The following ADH7 variants were observed in gnomAD, a reference collection of about 807,000 sequenced individuals.
The protein encoded by ADH7 is alcohol dehydrogenase 7 (class IV), mu or sigma polypeptide, also known as all-trans-retinol dehydrogenase [NAD(+)] ADH7.
A neutral mutation model predicts 34.4 loss-of-function variants in ADH7; 41 were observed. The ratio of observed to expected loss-of-function variants is 1.19; its 90% CI spans 0.93 to 1.55. The LOEUF (loss-of-function observed/expected upper bound fraction) is 1.55, where lower values mean the gene tolerates loss of function less well. Among genes scored for constraint, ADH7 ranks in the 40% most tolerant of loss-of-function variants. The pLI is 0.00. For synonymous variants in ADH7, 180 were observed against 160.9 expected, an observed-to-expected ratio of 1.12 and a Z score of -0.90; for missense variants, 540 against 461.2, an observed-to-expected ratio of 1.17 and a Z score of -1.56.
chr4:99,433,732 G>T (rs935530627), intron 1 of ADH7, among the ~76,000 whole-genome samples: 3 of 152,204 alleles, frequency 2.0e-5, no homozygotes, highest in African/African-American at 7.2e-5. Context: ...CACAAGCCAA[G>T]GACACAGGCC....
At position 99,427,819 on chromosome 4, in the gene ADH7, C is replaced by G. The variant is rs202236646; in HGVS notation, c.518G>C (p.Gly173Ala). The G allele has an allele frequency of 6.2e-7, 1 of 1,604,700 alleles. No homozygotes were observed. The highest frequency in any genetic ancestry group is 1.7e-5 in the Admixed American group (1 of 59,326). Residue 173 changes from glycine to alanine, a missense_variant, in exon 5 of 9, where the codon GGC becomes GCC. Gly to Ala is a moderately conservative substitution (Grantham distance 60). Transcript: ENST00000437033. ...GCCATATCCAGTGGAAAACCCACAG[C>G]CAATTAAACAGACTTTCTCAGGAGG... The part of the protein sequence containing the change: ...AAPPEKVCLI[G>A]CGFSTGYGAA...
chr4:99,420,264 C>A (rs562634057), intron 6 of ADH7, among the ~76,000 whole-genome samples: 15 of 152,240 alleles, frequency 9.9e-5, no homozygotes, highest in Middle Eastern at 3.4e-3. Flanking sequence ...CTACTTAAAA[C>A]AATTATCTAG....
At chr4:99,420,508 T>G in intron 6 of ADH7, 25 bp downstream of exon 6, 1 of 1,606,116 alleles carries the variant, frequency 6.2e-7, no homozygotes, top group South Asian at 1.1e-5. Flanking sequence ...GGGTATTTTG[T>G]GGCTTCTCAA....
chr4:99,427,717 A>G (rs998637901), intron 5 of ADH7, 56 bp downstream of exon 5: 1 of 1,271,028 alleles, frequency 7.9e-7, no homozygotes, highest in African/African-American at 1.5e-5. Context: ...GATTCCAAGC[A>G]AATCATTTAA....
At chr4:99,427,586 A>T (rs543115919) in intron 5 of ADH7, among the ~76,000 whole-genome samples, 187 bp downstream of exon 5, 1 of 152,306 alleles carries the variant, frequency 6.6e-6, no homozygotes, top group African/African-American at 2.4e-5. Flanking sequence ...AAAAAGAAGA[A>T]ATAAAATTTC....
rs543439973 is a variant in ADH7, at chr4:99,420,630, G to A, written c.728C>T (p.Pro243Leu). ...MAVGATECIS[P>L]KDSTKPISEV... The stretch of plus-strand genomic sequence containing the variant: ...ACTGATGGGTTTGGTAGAGTCCTTG[G>A]GACTGATACACTCAGTGGCACCTAC... The change falls in exon 6 of 9, where the codon CCC becomes CTC. Residue 243 changes from proline to leucine, a missense_variant. Physicochemically the swap from Pro to Leu is moderately conservative, Grantham distance 98. Transcript: ENST00000437033. 1.2e-6 allele frequency: 2 copies of A among 1,613,814 alleles called. No homozygotes were observed. Among genetic ancestry groups the A allele is most frequent in the African/African-American group, 2.7e-5 (2 of 74,974 alleles).
At chr4:99,417,670 T>A (rs538461679) in intron 7 of ADH7, among the ~76,000 whole-genome samples, 1 of 152,140 alleles carries the variant, frequency 6.6e-6, no homozygotes, top group African/African-American at 2.4e-5. Flanking sequence ...GGACTTGGTA[T>A]GTTTTGTCTC....
intron 7 of ADH7, 83 bp from the exon 8 acceptor site, chr4:99,415,699 C>G: frequency 7.2e-7 from 1 of 1,392,540 alleles, no homozygotes; most frequent in Non-Finnish European, 9.9e-7. Context: ...CCTTCTCTTT[C>G]CTGCACTATG....
At position 99,419,016 on chromosome 4, in the gene ADH7, C is replaced by T. The variant is rs761334405; in HGVS notation, c.931G>A (p.Gly311Arg). ...AAGACACATCCCTTCCATGTGCGTC[C>T]AGTGAAGAGCAACATCGGGTCATAG... ...LTYDPMLLFT[G>R]RTWKGCVFGG... Residue 311 changes from glycine to arginine, a missense_variant, in exon 7 of 9, where the codon GGA becomes AGA. Transcript: ENST00000437033. The T allele has an allele frequency of 6.2e-7, 1 of 1,613,818 alleles. No individual in the cohort carries two copies. Among genetic ancestry groups the T allele is most frequent in the South Asian group, 1.1e-5 (1 of 91,076 alleles).
chr4:99,424,515 G>A (rs1365590455), intron 5 of ADH7, among the ~76,000 whole-genome samples: 1 of 152,130 alleles, frequency 6.6e-6, no homozygotes, highest in African/African-American at 2.4e-5. Flanking sequence ...CCATGAGCAT[G>A]GAATGTTCTT....
chr4:99,420,564 G>A lies in ADH7; in HGVS notation c.794C>T (p.Thr265Ile), dbSNP rs1721624708. Residue 265 changes from threonine to isoleucine, a missense_variant, in exon 6 of 9, where the codon ACC becomes ATC. Thr to Ile is a moderately conservative substitution (Grantham distance 89). Transcript: ENST00000437033. ...SEMTGNNVGY[T>I]FEVIGHLETM... is the part of the protein sequence containing the mutation. ...TTCAAGATGCCCAATAACTTCAAAG[G>A]TGTATCCCACGTTGTTGCCTGTCAT... The A allele has an allele frequency of 1.2e-6, 2 of 1,613,884 alleles. No homozygotes were observed. The highest frequency in any genetic ancestry group is 1.7e-4 in the Middle Eastern group (1 of 6,058).
rs192166264 is a variant in ADH7 at position 99,423,109 on chromosome 4, T to A, written c.565-2316A>T. Among the ~76,000 whole-genome samples, 621 of 148,248 alleles carry A rather than the reference T, an allele frequency of 4.2e-3. 2 individuals carry two copies. The highest frequency in any genetic ancestry group is 0.015 in the African/African-American group (599 of 40,258). On this transcript the variant is annotated intron_variant, in intron 5 of 8. Transcript: ENST00000437033. ...GTTCTCATTGTTCAATTCCTATCTATGAGTGAGAACATGCGGTGTTTGTTT... is the reference window on the plus strand; with the variant it reads ...GTTCTCATTGTTCAATTCCTATCTAAGAGTGAGAACATGCGGTGTTTGTTT...
In ADH7 at chr4:99,435,235, C is replaced by G; in HGVS notation, c.-2G>C. 2 of 1,613,440 alleles carry G rather than the reference C, an allele frequency of 1.2e-6. No individual in the cohort carries two copies. The highest frequency in any genetic ancestry group is 1.7e-6 in the Non-Finnish European group (2 of 1,179,728). ...ACTTACTTTTCCAGCAGTGCCCATC[C>G]TGTCTTTGTCTTGGATCTGTATTTC... is the stretch of plus-strand genomic sequence containing the variant. On this transcript the variant is annotated 5_prime_UTR_variant, in exon 1 of 9. Coordinates refer to ENST00000437033, the MANE Select transcript of ADH7 (RefSeq NM_000673.7).
Position 99,413,156 on chromosome 4 carries a change from T to C in ADH7, c.1117A>G (p.Thr373Ala). The C allele has an allele frequency of 6.2e-7, 1 of 1,613,570 alleles. No individual in the cohort carries two copies. The highest frequency in any genetic ancestry group is 8.5e-7 in the Non-Finnish European group (1 of 1,179,630). ...NSGQSIRTVL[T>A]F ...TCCTGCCACTTTGGATCTCAAAACG[T>C]CAGGACCGTTCGAATGCTGAAATGT... The change falls in exon 9 of 9, where the codon ACG (threonine) becomes GCG (alanine). Residue 373 changes from threonine to alanine, a missense_variant. Thr to Ala is a moderately conservative substitution (Grantham distance 58). Coordinates refer to ENST00000437033, the MANE Select transcript of ADH7 (RefSeq NM_000673.7).
At chr4:99,430,799 T>G (rs1721921288) in intron 1 of ADH7, among the ~76,000 whole-genome samples, 1 of 152,108 alleles carries the variant, frequency 6.6e-6, no homozygotes, top group Non-Finnish European at 1.5e-5. Context: ...AGATTTTTAT[T>G]TTTTTATTAT....
At chr4:99,418,945 G>T in intron 7 of ADH7, 41 bp downstream of exon 7, 1 of 1,607,264 alleles carries the variant, frequency 6.2e-7, no homozygotes, top group South Asian at 1.1e-5. Flanking sequence ...GCACCAGAGT[G>T]AAAGCCATCA....
intron 5 of ADH7, 72 bp from the exon 6 acceptor site, chr4:99,420,865 T>G (rs926809771): frequency 1.4e-6 from 2 of 1,437,924 alleles, no homozygotes; most frequent in African/African-American, 2.9e-5. Flanking sequence ...GGGCCTCCAG[T>G]TAAAAACACA....
At chr4:99,435,006 G>A in intron 1 of ADH7, 2 of 1,492,210 alleles carry the variant, frequency 1.3e-6, no homozygotes, top group Non-Finnish European at 1.8e-6. Flanking sequence ...GCTGACATTG[G>A]ATATACTATT....
intron 5 of ADH7, among the ~76,000 whole-genome samples, chr4:99,426,229 T>C (rs1396590395): frequency 2.6e-5 from 4 of 151,508 alleles, no homozygotes; most frequent in South Asian, 4.2e-4. Flanking sequence ...CTGAAGGAAA[T>C]AGAGACACAA....
Sources: allele counts gnomAD v4.1 joint callset (sites outside exome capture counted in the v4.1 genomes callset), GRCh38; gene constraint gnomAD v4.1.1; transcripts MANE v1.5; gene names NCBI Gene and HGNC (gene_info 2026-07-23, HGNC 2026-07-21).